GDAP2: variants seen among roughly 807,000 people sequenced by gnomAD.
The protein encoded by GDAP2 is ganglioside-induced differentiation-associated protein 2.
A neutral mutation model predicts 67.0 loss-of-function variants in GDAP2; 51 were observed. The ratio of observed to expected loss-of-function variants is 0.76; its 90% confidence interval spans 0.61 to 0.96. GDAP2 has a LOEUF of 0.96. GDAP2 is among the 40% of genes least tolerant of loss of function. GDAP2 has a pLI of 0.00. For missense variants in GDAP2, 547 were observed against 588.3 expected (o/e 0.93, Z 0.73); for synonymous variants, 203 against 207.3 (o/e 0.98, Z 0.18).
At chr1:117,880,120 G>A (rs1012534659) in intron 12 of GDAP2, among the ~76,000 whole-genome samples, 1 of 152,162 alleles carries the variant, frequency 6.6e-6, no homozygotes, top group South Asian at 2.1e-4. Context: ...AGGAGTTCTA[G>A]GTCACAGAGA....
At chr1:117,871,304 T>C (rs1279762005) in intron 13 of GDAP2, among the ~76,000 whole-genome samples, 1 of 152,156 alleles carries the variant, frequency 6.6e-6, no homozygotes, top group Non-Finnish European at 1.5e-5. Flanking sequence ...AAGGGGGAAT[T>C]TTTTGGCTCT....
rs147474352 is a variant in GDAP2 at position 117,912,593 on chromosome 1, C to T, written c.407G>A (p.Arg136His). The T allele has an allele frequency of 2.4e-5, 39 of 1,613,380 alleles. No homozygotes were observed. The highest frequency in any genetic ancestry group is 1.6e-4 in the Middle Eastern group (1 of 6,082). ...GGAACTCTCAGCTGCTGTGCGATAG[C>T]GGCTTTTATATTTAGGTCCCACTGT... ...IHTVGPKYKSRYRTAAESSLY... is the reference protein window; with the variant it reads ...IHTVGPKYKSHYRTAAESSLY... The change falls in exon 4 of 14, where the codon CGC becomes CAC. Residue 136 changes from arginine to histidine, a missense_variant. Coordinates refer to ENST00000369443, the MANE Select transcript of GDAP2 (RefSeq NM_017686.4).
At chr1:117,874,526 C>A (rs889085516) in intron 13 of GDAP2, among the ~76,000 whole-genome samples, 1 of 152,228 alleles carries the variant, frequency 6.6e-6, no homozygotes, top group Non-Finnish European at 1.5e-5. Flanking sequence ...TCATAAATTA[C>A]CCAGCCTCAG....
At chr1:117,898,617 G>A (rs763023261) in intron 7 of GDAP2, among the ~76,000 whole-genome samples, 4 of 152,116 alleles carry the variant, frequency 2.6e-5, no homozygotes, top group African/African-American at 9.7e-5. Context: ...ATCCTAACAC[G>A]TTCTACCTAC....
At chr1:117,881,560 C>T (rs1648646519) in intron 12 of GDAP2, among the ~76,000 whole-genome samples, 1 of 152,048 alleles carries the variant, frequency 6.6e-6, no homozygotes, top group South Asian at 2.1e-4. Context: ...TCTGTAACAA[C>T]AGCATAAATG....
intron 1 of GDAP2, among the ~76,000 whole-genome samples, chr1:117,921,543 T>A (rs1650254646): frequency 6.6e-6 from 1 of 152,104 alleles, no homozygotes; most frequent in Non-Finnish European, 1.5e-5. Flanking sequence ...GCAGGAAGGA[T>A]CTTGGTATAT....
At chr1:117,899,972 A>AT (rs1345345177) in intron 6 of GDAP2, among the ~76,000 whole-genome samples, 1 of 152,138 alleles carries the variant, frequency 6.6e-6, no homozygotes, top group Non-Finnish European at 1.5e-5. Flanking sequence ...ATTTTCTTTC[A>AT]TTTTCATATT....
At chr1:117,878,873 T>A (rs1648557336) in intron 12 of GDAP2, among the ~76,000 whole-genome samples, 1 of 152,222 alleles carries the variant, frequency 6.6e-6, no homozygotes, top group Non-Finnish European at 1.5e-5. Flanking sequence ...TTAGTCCATG[T>A]TTATCAACAT....
chr1:117,920,196 T>G lies in GDAP2; in HGVS notation c.162A>C (p.Gly54=), dbSNP rs1371311000. ...SPFLYNKDVN[G]KVVLWKGDVA... ...CAAAAAATTACCAAAGAACCACTTT[T>G]CCATTGACGTCCTTATTATAAAGAA... The change falls in exon 2 of 14, where the codon GGA becomes GGC. Residue 54 remains glycine, a synonymous_variant. Coordinates refer to ENST00000369443, the MANE Select transcript of GDAP2 (RefSeq NM_017686.4). The G allele has an allele frequency of 6.3e-7, 1 of 1,596,374 alleles. No individual in the cohort carries two copies. The highest frequency in any genetic ancestry group is 1.7e-5 in the Admixed American group (1 of 58,346).
intron 3 of GDAP2, among the ~76,000 whole-genome samples, chr1:117,917,816 T>C (rs1055745818): frequency 1.3e-5 from 2 of 152,226 alleles, no homozygotes; most frequent in Admixed American, 6.5e-5. Context: ...AGCTTCTCTG[T>C]TCCTTTCAGC....
chr1:117,923,786 T>C (rs1650344477), intron 1 of GDAP2, among the ~76,000 whole-genome samples: 1 of 152,228 alleles, frequency 6.6e-6, no homozygotes, highest in Admixed American at 6.5e-5. Context: ...TCAGAACTTT[T>C]AATCTTTTTC....
At chr1:117,896,447 T>C (rs2101136066) in intron 8 of GDAP2, among the ~76,000 whole-genome samples, 1 of 152,348 alleles carries the variant, frequency 6.6e-6, no homozygotes, top group African/African-American at 2.4e-5. Context: ...CTCTTTTAAA[T>C]TTAATTCAAC....
rs555654267 is a variant in GDAP2, at chr1:117,873,414, C to CT, written c.1447-2799dup. ...TAGAAGCCCACTGAAACTTGGGTTT[C>CT]TTTTTTTTTTTAAACAGATACTAAC... On this transcript the variant is annotated intron_variant, in intron 13 of 13. Coordinates refer to ENST00000369443, the MANE Select transcript of GDAP2 (RefSeq NM_017686.4). 7.2e-3 allele frequency among the ~76,000 whole-genome samples: 1,053 copies of CT among 145,264 alleles called. 9 individuals are homozygous for CT. The highest frequency in any genetic ancestry group is 0.025 in the African/African-American group (966 of 39,338).
At chr1:117,918,323 A>G (rs1650119750) in intron 3 of GDAP2, among the ~76,000 whole-genome samples, 1 of 152,232 alleles carries the variant, frequency 6.6e-6, no homozygotes, top group African/African-American at 2.4e-5. Flanking sequence ...AGAAAATGCT[A>G]CCAAAGACAC....
chr1:117,924,429 A>T (rs1378954273), intron 1 of GDAP2, among the ~76,000 whole-genome samples: 2 of 152,202 alleles, frequency 1.3e-5, no homozygotes, highest in African/African-American at 4.8e-5. Context: ...AATGGCCTCC[A>T]GCTCCATCTA....
chr1:117,918,448 G>A (rs951846024), intron 3 of GDAP2, 149 bp downstream of exon 3: 5 of 605,790 alleles, frequency 8.3e-6, no homozygotes, highest in Non-Finnish European at 1.2e-5. Flanking sequence ...TTGTTAAAAT[G>A]GAGCTTTCAA....
intron 1 of GDAP2, among the ~76,000 whole-genome samples, chr1:117,927,573 T>C (rs1650496976): frequency 6.6e-6 from 1 of 152,194 alleles, no homozygotes; most frequent in Non-Finnish European, 1.5e-5. Context: ...TTTCAATATT[T>C]AACAGTTCAG....
In GDAP2 at chr1:117,896,870, A is replaced by G; in HGVS notation, c.916T>C (p.Leu306=). The G allele has an allele frequency of 9.9e-6, 16 of 1,613,074 alleles. No homozygotes were observed. Among genetic ancestry groups the G allele is most frequent in the Non-Finnish European group, 1.4e-5 (16 of 1,179,446 alleles). The part of the protein sequence containing the change: ...KQRKLILQGQ[L]SEAALQKQHQ... ...TGCTTCTGCAGAGCTGCCTCTGATA[A>G]TTGTCCCTGAAGGATCAGTTTTCTT... is the stretch of plus-strand genomic sequence containing the variant. Residue 306 remains leucine, a synonymous_variant, in exon 8 of 14, where the codon TTA becomes CTA. Transcript: ENST00000369443.
Position 117,883,495 on chromosome 1 carries a change from CA to C in GDAP2, c.1239del (p.Asp414MetfsTer8). On this transcript the variant is annotated frameshift_variant, in exon 11 of 14. Coordinates refer to ENST00000369443, the MANE Select transcript of GDAP2 (RefSeq NM_017686.4). LOFTEE classifies it high-confidence loss of function. ...TTTGCAAAAATAACTAACTTGACAT[CA>C]ACAACATCGTAGAGTTTCTTCAGGA... ...SDFLKKLYDV[V>X]DVKYKRNLKA... The C allele has an allele frequency of 6.2e-7, 1 of 1,611,342 alleles. No homozygotes were observed. The highest frequency in any genetic ancestry group is 8.5e-7 in the Non-Finnish European group (1 of 1,178,506).
Sources: allele counts gnomAD v4.1 joint callset (sites outside exome capture counted in the v4.1 genomes callset), GRCh38; gene constraint gnomAD v4.1.1; transcripts MANE v1.5; gene names NCBI Gene and HGNC (gene_info 2026-07-23, HGNC 2026-07-21).